The following ANXA8 variants were observed in gnomAD, a reference collection of about 807,000 sequenced individuals.
The protein encoded by ANXA8 is VAC-beta.
ANXA8 carries 9 observed loss-of-function variants against 26.8 expected under a neutral mutation model. The ratio of observed to expected loss-of-function variants is 0.34; its 90% CI spans 0.20 to 0.59. ANXA8 has a LOEUF of 0.59. Ranked by LOEUF, ANXA8 falls within the 20% of genes least tolerant of loss-of-function variation. The pLI is 0.84. For missense variants in ANXA8, 83 were observed against 238.5 expected, an observed-to-expected ratio of 0.35 and a Z score of 4.29; for synonymous variants, 39 against 94.8, an observed-to-expected ratio of 0.41 and a Z score of 3.42.
chr10:47,655,795 C>T, the ANXA8 span, among the ~76,000 whole-genome samples: 1 of 151,870 alleles, frequency 6.6e-6, no homozygotes, highest in Non-Finnish European at 1.5e-5. Context: ...CCGAGGTGGG[C>T]AGATCACCTG....
chr10:47,485,743 GA>G (rs1343211814), upstream of ANXA8, among the ~76,000 whole-genome samples: 13 of 151,988 alleles, frequency 8.6e-5, no homozygotes, highest in South Asian at 1.9e-3. Context: ...TTGCTCATGA[GA>G]AGGAGAGAGG....
At chr10:47,579,193 G>A in the ANXA8 span, among the ~76,000 whole-genome samples, 1 of 115,276 alleles carries the variant, frequency 8.7e-6, no homozygotes, top group Non-Finnish European at 1.9e-5. Context: ...AGGCTGGAGT[G>A]CAGTGGCACA....
chr10:47,586,800 C>T, the ANXA8 span, among the ~76,000 whole-genome samples: 6 of 146,362 alleles, frequency 4.1e-5, no homozygotes, highest in Non-Finnish European at 5.9e-5. Flanking sequence ...CTCCCACTTC[C>T]ATGACTAGCC....
the ANXA8 span, among the ~76,000 whole-genome samples, chr10:47,932,997 C>G: frequency 1.8e-5 from 1 of 54,724 alleles, no homozygotes; most frequent in African/African-American, 8.7e-5. Flanking sequence ...CAAGGCCAAC[C>G]CAGCCATGAG....
chr10:47,613,707 T>C, the ANXA8 span, among the ~76,000 whole-genome samples: 1 of 73,320 alleles, frequency 1.4e-5, no homozygotes, highest in Admixed American at 1.5e-4. Context: ...AATATTTCCA[T>C]GGACAGGGTT....
At chr10:47,609,248 TGA>T in the ANXA8 span, among the ~76,000 whole-genome samples, 1 of 147,920 alleles carries the variant, frequency 6.8e-6, no homozygotes, top group South Asian at 2.1e-4. Flanking sequence ...TTTTACTTCA[TGA>T]GAAATGCCAA....
chr10:47,651,139 G>C, the ANXA8 span, among the ~76,000 whole-genome samples: 1 of 151,468 alleles, frequency 6.6e-6, no homozygotes, highest in Non-Finnish European at 1.5e-5. Flanking sequence ...CGTCGAGGCT[G>C]CAGTGAGCAG....
the ANXA8 span, among the ~76,000 whole-genome samples, chr10:47,533,434 A>G: frequency 6.8e-6 from 1 of 146,204 alleles, no homozygotes; most frequent in Non-Finnish European, 1.5e-5. Context: ...CCTCTGTGTC[A>G]GAAAAATTTC....
the ANXA8 span, among the ~76,000 whole-genome samples, chr10:47,682,965 T>A: frequency 2.6e-5 from 4 of 152,344 alleles, no homozygotes; most frequent in African/African-American, 7.2e-5. Context: ...AGAATGTGAT[T>A]ACAGATGTCT....
the ANXA8 span, among the ~76,000 whole-genome samples, chr10:47,928,746 C>CTTTTTTT: frequency 9.9e-6 from 1 of 100,900 alleles, no homozygotes; most frequent in Non-Finnish European, 2.0e-5. Context: ...CTTTCTCTCT[C>CTTTTTTT]TCTCTTTTTT....
the ANXA8 span, among the ~76,000 whole-genome samples, chr10:47,540,637 CA>C: frequency 5.7e-3 from 688 of 121,638 alleles, 9 homozygotes; most frequent in African/African-American, 0.02. Flanking sequence ...CAAAGACTAA[CA>C]GAGACAGTTG....
At chr10:47,743,301 T>C in the ANXA8 span, among the ~76,000 whole-genome samples, 226 of 41,350 alleles carry the variant, frequency 5.5e-3, 11 homozygotes, top group Non-Finnish European at 0.01. Flanking sequence ...TATACACATA[T>C]ATATATATAT....
chr10:47,485,323 G>C (rs1430778946), upstream of ANXA8, among the ~76,000 whole-genome samples: 1 of 151,904 alleles, frequency 6.6e-6, no homozygotes, highest in Non-Finnish European at 1.5e-5. Flanking sequence ...CCTGTGAGAG[G>C]AACTGCCATC....
the ANXA8 span, among the ~76,000 whole-genome samples, chr10:47,552,615 G>A: frequency 1.3e-5 from 2 of 152,004 alleles, no homozygotes; most frequent in Non-Finnish European, 2.9e-5. Context: ...GAGACCCCAT[G>A]GACTTACAGA....
chr10:47,937,486 T>A, the ANXA8 span, among the ~76,000 whole-genome samples: 1 of 147,444 alleles, frequency 6.8e-6, no homozygotes, highest in Non-Finnish European at 1.5e-5. Flanking sequence ...TTATTTTAGG[T>A]TTCAGGGTAC....
At chr10:47,705,594 T>G in the ANXA8 span, among the ~76,000 whole-genome samples, 1 of 145,750 alleles carries the variant, frequency 6.9e-6, no homozygotes, top group Non-Finnish European at 1.5e-5. Flanking sequence ...CTAGAGAGTT[T>G]CAGGTTTTTG....
the ANXA8 span, chr10:47,491,805 G>C: frequency 1.2e-6 from 1 of 831,808 alleles, no homozygotes; most frequent in South Asian, 1.6e-5. Flanking sequence ...GGCTGGACAG[G>C]TGAGTCAGTG....
At chr10:47,568,469 G>A in the ANXA8 span, among the ~76,000 whole-genome samples, 1 of 34,370 alleles carries the variant, frequency 2.9e-5, no homozygotes, top group East Asian at 3.5e-4. Flanking sequence ...CTCATTGAGT[G>A]TTTTGCCATA....
At chr10:47,506,724 C>T in the ANXA8 span, among the ~76,000 whole-genome samples, 527 of 144,522 alleles carry the variant, frequency 3.6e-3, 34 homozygotes, top group Non-Finnish European at 5.8e-3. Flanking sequence ...TCTGCAACCT[C>T]CGCCTCCCAA....
Sources: gnomAD v4.1 joint callset for allele counts (sites outside exome capture counted in the v4.1 genomes callset) on GRCh38, gnomAD v4.1.1 for gene constraint, MANE v1.5 for transcripts, NCBI Gene and HGNC (gene_info 2026-07-23, HGNC 2026-07-21) for gene names.